Variants in EXD3 observed in about 807,000 individuals in gnomAD.
EXD3 encodes exonuclease mut-7 homolog.
In EXD3, 92 loss-of-function variants were observed where a neutral mutation model predicts 98.0. That is an observed-to-expected ratio of 0.94 (90% CI 0.79 to 1.12). EXD3 has a LOEUF of 1.12. EXD3 is among the 50% of genes most tolerant of loss of function. The probability of loss-of-function intolerance (pLI) is 0.00; values close to 1 mark genes in which losing one functional copy is unlikely to be tolerated. For missense variants in EXD3, 1,222 were observed against 1,191.6 expected (o/e 1.03, Z -0.38); for synonymous variants, 569 against 526.0 (o/e 1.08, Z -1.12).
intron 19 of EXD3, among the ~76,000 whole-genome samples, chr9:137,321,510 C>T (rs1424822344): frequency 6.6e-6 from 1 of 152,194 alleles, no homozygotes; most frequent in Non-Finnish European, 1.5e-5. Context: ...TGGTGAAACC[C>T]TGTCTCTACT....
rs1241474689 is a variant in EXD3, at chr9:137,371,905, G to A, written c.462+1000C>T. 6.6e-6 allele frequency among the ~76,000 whole-genome samples: 1 copy of A among 151,606 alleles called. No individual in the cohort carries two copies. Among genetic ancestry groups the A allele is most frequent in the African/African-American group, 2.4e-5 (1 of 41,226 alleles). ...CAGGAACAGCTCAGAGCCACCCCAC[G>A]CAAGACGGCCGCCTCCCTACCCACT... On this transcript the variant is annotated intron_variant, in intron 5 of 21. Transcript: ENST00000340951. The surrounding 1 kb of genome is among the most constrained non-coding windows in gnomAD (Gnocchi z 8.0).
intron 17 of EXD3, among the ~76,000 whole-genome samples, chr9:137,340,656 T>C (rs1833603149): frequency 6.6e-6 from 1 of 152,016 alleles, no homozygotes; most frequent in African/African-American, 2.4e-5. Context: ...GTCCCCCAGG[T>C]GGCCAGGACC....
intron 1 of EXD3, among the ~76,000 whole-genome samples, chr9:137,416,141 G>A (rs1279080958): frequency 3.3e-5 from 5 of 152,168 alleles, no homozygotes; most frequent in South Asian, 2.1e-4. Flanking sequence ...GCCTGCCGCC[G>A]GCCACTGCCA....
chr9:137,349,117 G>C lies in EXD3; in HGVS notation c.1823C>G (p.Pro608Arg). 6.3e-7 allele frequency: 1 copy of C among 1,595,230 alleles called. No individual in the cohort carries two copies. Among genetic ancestry groups the C allele is most frequent in the Non-Finnish European group, 8.5e-7 (1 of 1,176,498 alleles). Residue 608 changes from proline to arginine, a missense_variant, in exon 16 of 22, where the codon CCC (proline) becomes CGC (arginine). Pro to Arg is a moderately radical substitution (Grantham distance 103). Coordinates refer to ENST00000340951, the MANE Select transcript of EXD3 (RefSeq NM_017820.5). The surrounding 1 kb of genome is among the most constrained non-coding windows in gnomAD (Gnocchi z 7.4). ...CTGCGGGGCTTCACCCACCTGCCTG[G>C]GTGCGGCCGGTGCTGACGCTTTCTG... ...GLQKASAPAA[P>R]RQVPVAVAVS...
chr9:137,309,552 T>C, intron 20 of EXD3, 55 bp downstream of exon 20: 1 of 1,433,474 alleles, frequency 7.0e-7, no homozygotes, highest in Non-Finnish European at 9.6e-7. Context: ...GCTACCTCAG[T>C]AGGTCGACCC....
intron 19 of EXD3, among the ~76,000 whole-genome samples, chr9:137,322,044 G>C (rs951129084): frequency 6.6e-6 from 1 of 152,122 alleles, no homozygotes; most frequent in East Asian, 1.9e-4. Context: ...GTTGGGCTTT[G>C]GTGCCCCCAC....
At chr9:137,386,337 T>G (rs1295301545) in intron 2 of EXD3, among the ~76,000 whole-genome samples, 2 of 152,036 alleles carry the variant, frequency 1.3e-5, no homozygotes, top group African/African-American at 4.8e-5. Flanking sequence ...TTATTCTTTT[T>G]AAGTTCTCCA....
intron 8 of EXD3, among the ~76,000 whole-genome samples, chr9:137,355,669 AAGGGAGGATG>A (rs1834708509): frequency 2.1e-5 from 1 of 48,070 alleles, no homozygotes; most frequent in East Asian, 9.9e-4. Flanking sequence ...AGGAAGGAGA[AAGGGAGGATG>A]GAGGAAGGAG....
chr9:137,330,441 C>G (rs866995309), intron 17 of EXD3, among the ~76,000 whole-genome samples: 6 of 140,814 alleles, frequency 4.3e-5, no homozygotes, highest in African/African-American at 1.7e-4. Flanking sequence ...CAGGACTACA[C>G]AGGACTACAC....
At chr9:137,390,205 C>T (rs914502789) in intron 2 of EXD3, among the ~76,000 whole-genome samples, 13 of 140,304 alleles carry the variant, frequency 9.3e-5, no homozygotes, top group East Asian at 4.2e-4. Flanking sequence ...CTGAGGTGGG[C>T]GGATCATGAG....
chr9:137,348,487 G>A (rs1744171192), intron 16 of EXD3, among the ~76,000 whole-genome samples: 1 of 133,566 alleles, frequency 7.5e-6, no homozygotes, highest in African/African-American at 2.8e-5. Context: ...TGTGCCCAGA[G>A]AGGGGTGGGG....
At chr9:137,346,973 G>A (rs570895964) in intron 17 of EXD3, among the ~76,000 whole-genome samples, 34 of 152,082 alleles carry the variant, frequency 2.2e-4, no homozygotes, top group African/African-American at 6.7e-4. Flanking sequence ...CCGCCACCAC[G>A]CCCAGCTAAT....
chr9:137,400,397 C>T (rs959512981), intron 1 of EXD3, among the ~76,000 whole-genome samples: 3 of 152,216 alleles, frequency 2.0e-5, no homozygotes, highest in East Asian at 1.9e-4. Flanking sequence ...AAGTCTCTTC[C>T]GCCTATGAGC....
intron 1 of EXD3, among the ~76,000 whole-genome samples, chr9:137,410,400 A>G (rs1200394554): frequency 1.3e-5 from 2 of 150,456 alleles, no homozygotes; most frequent in African/African-American, 4.9e-5. Context: ...CAGGAGAATC[A>G]CTTGAACCCA....
intron 19 of EXD3, 58 bp downstream of exon 19, chr9:137,323,667 C>A (rs1832216887): frequency 8.2e-6 from 13 of 1,587,054 alleles, no homozygotes; most frequent in South Asian, 1.2e-5. Context: ...TCCCTGGACA[C>A]CCCCGTAGCT....
rs1382014098 is a variant in EXD3, at chr9:137,367,807, G to A, written c.516+129C>T. 3.1e-5 allele frequency: 27 copies of A among 873,246 alleles called. No individual in the cohort carries two copies. In the East Asian group the frequency reaches 4.4e-4, roughly 14 times the overall value. 54.1% of individuals were successfully genotyped at this position (873,246 alleles called of 1,614,324 possible). A position where few individuals can be genotyped will look rare whatever the true frequency, so the allele number is the denominator to read the frequency against. On this transcript the variant is annotated intron_variant, in intron 6 of 21. Coordinates refer to ENST00000340951, the MANE Select transcript of EXD3 (RefSeq NM_017820.5). ...TTAGGGGGCTCTGGAGGCCCTCGCC[G>A]GCCCCCGATGGCCCTGCTGTCCCCC...
chr9:137,375,691 T>C lies in EXD3; in HGVS notation c.121-2092A>G, dbSNP rs138107410. ...GTTCTAGCTCTCATGAGTTCTAGCTTTCGTGAGTTCTAGCCCTAGTGAGTT... is the reference window on the plus strand; with the variant it reads ...GTTCTAGCTCTCATGAGTTCTAGCTCTCGTGAGTTCTAGCCCTAGTGAGTT... On this transcript the variant is annotated intron_variant, in intron 3 of 21. Coordinates refer to ENST00000340951, the MANE Select transcript of EXD3 (RefSeq NM_017820.5). Among the ~76,000 whole-genome samples, 25 of 149,954 alleles carry C rather than the reference T, an allele frequency of 1.7e-4. No individual in the cohort carries two copies. The East Asian group carries it at 3.5e-3, about 21-fold the overall frequency.
At chr9:137,375,165 T>C (rs987103464) in intron 3 of EXD3, among the ~76,000 whole-genome samples, 6 of 152,156 alleles carry the variant, frequency 3.9e-5, no homozygotes, top group Non-Finnish European at 8.8e-5. Context: ...CGCGCCACCA[T>C]GCCTGGCTAA....
chr9:137,384,917 C>A (rs556885355), intron 2 of EXD3, among the ~76,000 whole-genome samples: 93 of 152,206 alleles, frequency 6.1e-4, no homozygotes, highest in Middle Eastern at 3.4e-3. Flanking sequence ...CGTGGTGAGA[C>A]ACTATCTCTA....
Sources: gnomAD v4.1 joint callset for allele counts (sites outside exome capture counted in the v4.1 genomes callset) on GRCh38, gnomAD v4.1.1 for gene constraint, Gnocchi (gnomAD v3.1) non-coding constraint, MANE v1.5 for transcripts, NCBI Gene and HGNC (gene_info 2026-07-23, HGNC 2026-07-21) for gene names.